Variants in CNTNAP5 observed in about 807,000 individuals in gnomAD.
CNTNAP5 encodes the protein contactin-associated protein-like 5.
Under a neutral mutation model 150.2 loss-of-function variants are expected in CNTNAP5, and 72 were observed. That is an observed-to-expected ratio of 0.48 (90% CI 0.40 to 0.58). The LOEUF (loss-of-function observed/expected upper bound fraction) is 0.58, where lower values mean the gene tolerates loss of function less well. CNTNAP5 is among the 20% of genes least tolerant of loss of function. CNTNAP5 has a pLI of 0.00. For synonymous variants in CNTNAP5, 672 were observed against 619.8 expected (o/e 1.08, Z -1.25); for missense variants, 1,636 against 1,626.2 (o/e 1.01, Z -0.10).
At position 124,117,040 on chromosome 2, in the gene CNTNAP5, C is replaced by T. The variant is rs186021925; in HGVS notation, c.82+91308C>T. ...CTTGAAATGTGAGACAGCACTGAAA[C>T]ACTCTCCTATCCTCCTCTCCTAACA... On this transcript the variant is annotated intron_variant, in intron 1 of 23. Transcript: ENST00000682447. Among the ~76,000 whole-genome samples the T allele has an allele frequency of 2.8e-3, 429 of 152,324 alleles. 1 individual carries two copies. Among genetic ancestry groups the T allele is most frequent in the Non-Finnish European group, 4.9e-3 (334 of 68,036 alleles).
At chr2:124,598,696 T>C (rs1364500409) in intron 11 of CNTNAP5, among the ~76,000 whole-genome samples, 2 of 151,900 alleles carry the variant, frequency 1.3e-5, no homozygotes, top group Non-Finnish European at 1.5e-5. Flanking sequence ...CCGGCTGCTT[T>C]GTTTACCTAA....
chr2:124,646,313 G>A (rs923615718), intron 12 of CNTNAP5, among the ~76,000 whole-genome samples: 11 of 152,172 alleles, frequency 7.2e-5, no homozygotes, highest in Admixed American at 7.2e-4. Context: ...CATGCCAACT[G>A]CTGTGCTTCT....
intron 17 of CNTNAP5, among the ~76,000 whole-genome samples, chr2:124,777,146 GAAA>G (rs11317771): frequency 7.3e-6 from 1 of 136,784 alleles, no homozygotes. Flanking sequence ...CTTTAGTGGG[GAAA>G]AAAAAAAAAA....
chr2:124,721,870 A>G (rs1680056599), intron 13 of CNTNAP5, among the ~76,000 whole-genome samples: 1 of 152,162 alleles, frequency 6.6e-6, no homozygotes, highest in Admixed American at 6.5e-5. Flanking sequence ...CTAGCAGTGC[A>G]CAAGCAAGGT....
intron 10 of CNTNAP5, among the ~76,000 whole-genome samples, chr2:124,542,100 A>G (rs537744150): frequency 6.6e-6 from 1 of 151,968 alleles, no homozygotes; most frequent in African/African-American, 2.4e-5. Flanking sequence ...TATTCTAACC[A>G]TCAGATTCTG....
At chr2:124,339,600 C>G (rs921871393) in intron 3 of CNTNAP5, among the ~76,000 whole-genome samples, 5 of 152,134 alleles carry the variant, frequency 3.3e-5, no homozygotes, top group African/African-American at 1.2e-4. Flanking sequence ...TTTTAACATA[C>G]AAATATGTGT....
chr2:124,246,951 C>T (rs1379278428), intron 3 of CNTNAP5, among the ~76,000 whole-genome samples: 3 of 152,132 alleles, frequency 2.0e-5, no homozygotes, highest in Non-Finnish European at 4.4e-5. Flanking sequence ...GGCCTGTGCA[C>T]TCTGATGGTC....
chr2:124,187,991 G>T (rs1573820917), intron 1 of CNTNAP5, among the ~76,000 whole-genome samples: 2 of 152,268 alleles, frequency 1.3e-5, no homozygotes, highest in Admixed American at 1.3e-4. Context: ...ATCTGATCAG[G>T]GAGTAGGGAT....
intron 3 of CNTNAP5, among the ~76,000 whole-genome samples, chr2:124,242,794 C>A (rs77643850): frequency 0.074 from 11,283 of 152,232 alleles, 591 homozygotes; most frequent in Non-Finnish European, 0.11. Context: ...TGTAACAACA[C>A]AGCTAGCTCA....
intron 3 of CNTNAP5, among the ~76,000 whole-genome samples, chr2:124,332,471 G>A (rs1182015161): frequency 6.6e-6 from 1 of 151,114 alleles, no homozygotes; most frequent in South Asian, 2.1e-4. Flanking sequence ...TTTCAATGTG[G>A]AATAGTACAT....
intron 12 of CNTNAP5, among the ~76,000 whole-genome samples, chr2:124,628,029 A>G (rs1677767224): frequency 6.6e-6 from 1 of 152,230 alleles, no homozygotes; most frequent in Non-Finnish European, 1.5e-5. Context: ...ACAAATGAAA[A>G]GGAACAAACA....
chr2:124,606,313 A>C (rs933964718), intron 11 of CNTNAP5, among the ~76,000 whole-genome samples: 3 of 152,090 alleles, frequency 2.0e-5, no homozygotes, highest in Admixed American at 1.3e-4. Context: ...TGGGGGGATA[A>C]AAAGGGCTAA....
Position 124,866,764 on chromosome 2 carries a change from C to A in CNTNAP5, c.3348+1328C>A, listed in dbSNP as rs140028112. On this transcript the variant is annotated intron_variant, in intron 20 of 23. Coordinates refer to ENST00000682447, the MANE Select transcript of CNTNAP5 (RefSeq NM_001367498.1). ...TCCCCTTTAAAATCATGACCCTCAG[C>A]AAGCCCTTGCATCTGCCTATCAATC... is the stretch of plus-strand genomic sequence containing the variant. Among the ~76,000 whole-genome samples, 300 of 152,244 alleles carry A rather than the reference C, an allele frequency of 2.0e-3. 4 individuals are homozygous for A. Among genetic ancestry groups the A allele is most frequent in the African/African-American group, 6.8e-3 (284 of 41,542 alleles).
chr2:124,148,826 A>T (rs180905215), intron 1 of CNTNAP5, among the ~76,000 whole-genome samples: 2 of 151,378 alleles, frequency 1.3e-5, no homozygotes, highest in African/African-American at 2.4e-5. Flanking sequence ...TAAACACACA[A>T]ATATACACAC....
chr2:124,851,958 CTGT>C (rs1475491117), intron 19 of CNTNAP5, among the ~76,000 whole-genome samples: 1 of 151,994 alleles, frequency 6.6e-6, no homozygotes, highest in Non-Finnish European at 1.5e-5. Context: ...GGACTTGAGG[CTGT>C]AAATGAGAGG....
Position 124,849,024 on chromosome 2 carries a change from T to C in CNTNAP5, c.3218-16282T>C, listed in dbSNP as rs539648921. On this transcript the variant is annotated intron_variant, in intron 19 of 23. Coordinates refer to ENST00000682447, the MANE Select transcript of CNTNAP5 (RefSeq NM_001367498.1). ...CTCATTTATTTATTTTGGATTTTGC[T>C]GTGTATTCTTTTGGTGTCATATAAA... is the stretch of plus-strand genomic sequence containing the variant. Among the ~76,000 whole-genome samples, 6 of 152,304 alleles carry C rather than the reference T, an allele frequency of 3.9e-5. No individual in the cohort carries two copies. In the East Asian group the frequency reaches 1.2e-3, roughly 29 times the overall value.
intron 1 of CNTNAP5, among the ~76,000 whole-genome samples, chr2:124,029,604 C>T (rs577029656): frequency 1.3e-5 from 2 of 152,152 alleles, no homozygotes; most frequent in South Asian, 2.1e-4. Context: ...TCTCTCCTTG[C>T]TTTATTTTTG....
At chr2:124,896,481 G>A (rs1473991051) in intron 21 of CNTNAP5, among the ~76,000 whole-genome samples, 1 of 151,468 alleles carries the variant, frequency 6.6e-6, no homozygotes, top group Non-Finnish European at 1.5e-5. Flanking sequence ...AGACAAAATG[G>A]CAAAGCAAAG....
In CNTNAP5 at chr2:124,413,470, T is replaced by G. The variant is rs1482815766; in HGVS notation, c.382-3973T>G. ...GGCATTATTCACAATAGCAAAGACT[T>G]GGAACCAACCCAAATGTCCAACAAT... On this transcript the variant is annotated intron_variant, in intron 3 of 23. Transcript: ENST00000682447. 2.3e-5 allele frequency among the ~76,000 whole-genome samples: 3 copies of G among 133,154 alleles called. No homozygotes were observed. The East Asian group carries it at 6.6e-4, about 29-fold the overall frequency. 87.4% of individuals were successfully genotyped at this position (133,154 alleles called of 152,430 possible). A position where few individuals can be genotyped will look rare whatever the true frequency, so the allele number is the denominator to read the frequency against.
Sources: allele counts gnomAD v4.1 joint callset (sites outside exome capture counted in the v4.1 genomes callset), GRCh38; gene constraint gnomAD v4.1.1; transcripts MANE v1.5; gene names NCBI Gene and HGNC (gene_info 2026-07-23, HGNC 2026-07-21).